The following KCNN3 variants were observed in gnomAD, a reference collection of about 807,000 sequenced individuals.
The protein encoded by KCNN3 is potassium calcium-activated channel subfamily N member 3.
In KCNN3, 16 loss-of-function variants were observed where a neutral mutation model predicts 62.9. That is an observed-to-expected ratio of 0.25 (90% CI 0.17 to 0.39). The LOEUF (loss-of-function observed/expected upper bound fraction) is 0.39, where lower values mean the gene tolerates loss of function less well. KCNN3 is among the 10% of genes least tolerant of loss of function. The pLI, the probability that KCNN3 is intolerant of heterozygous loss-of-function variation, is 1.00. For synonymous variants in KCNN3, 370 were observed against 389.2 expected (o/e 0.95, Z 0.58); for missense variants, 599 against 949.4 (o/e 0.63, Z 4.85).
chr1:154,758,898 C>T (rs562140176), intron 3 of KCNN3, among the ~76,000 whole-genome samples: 1 of 151,258 alleles, frequency 6.6e-6, no homozygotes, highest in South Asian at 2.1e-4. Context: ...TCCTCCACCT[C>T]CTGAGTTCAA....
intron 2 of KCNN3, among the ~76,000 whole-genome samples, chr1:154,792,829 C>T (rs542530998): frequency 1.3e-5 from 2 of 152,308 alleles, no homozygotes; most frequent in Admixed American, 6.5e-5. Flanking sequence ...ATTGAGCTGC[C>T]TTCCCTTGCC....
chr1:154,837,268 G>GC (rs1246814095), intron 1 of KCNN3, among the ~76,000 whole-genome samples: 5 of 151,966 alleles, frequency 3.3e-5, no homozygotes, highest in African/African-American at 1.2e-4. Flanking sequence ...TGCCCGGCTA[G>GC]TTTTTTGTTT....
chr1:154,716,616 GTCT>G (rs1490551515), intron 5 of KCNN3, among the ~76,000 whole-genome samples: 5 of 152,222 alleles, frequency 3.3e-5, no homozygotes, highest in African/African-American at 1.2e-4. Context: ...GAACAGCTAA[GTCT>G]TCTCAGAAAT....
At chr1:154,714,600 T>G (rs1380848387) in intron 6 of KCNN3, among the ~76,000 whole-genome samples, 1 of 26,234 alleles carries the variant, frequency 3.8e-5, no homozygotes, top group Non-Finnish European at 8.9e-5. Flanking sequence ...GTGTGTGTGA[T>G]GTGTGGTGTG....
At chr1:154,813,598 G>A (rs1650528346) in intron 2 of KCNN3, among the ~76,000 whole-genome samples, 1 of 152,164 alleles carries the variant, frequency 6.6e-6, no homozygotes, top group African/African-American at 2.4e-5. Context: ...AGCTAAGGAA[G>A]CTCCTGGAGG....
intron 7 of KCNN3, among the ~76,000 whole-genome samples, chr1:154,711,336 A>G (rs1181381727): frequency 9.2e-6 from 1 of 108,514 alleles, no homozygotes. Flanking sequence ...CACTCCAGGG[A>G]CTGTTGTGGG....
chr1:154,791,375 C>A (rs1649512398), intron 2 of KCNN3, among the ~76,000 whole-genome samples: 1 of 149,300 alleles, frequency 6.7e-6, no homozygotes, highest in African/African-American at 2.5e-5. Flanking sequence ...GCGGCTGGTG[C>A]TGGGGAGGAG....
chr1:154,843,291 G>A (rs907348043), intron 1 of KCNN3, among the ~76,000 whole-genome samples: 3 of 151,964 alleles, frequency 2.0e-5, no homozygotes, highest in Non-Finnish European at 4.4e-5. Flanking sequence ...AGAACAAGAA[G>A]CTGCCCCATC....
chr1:154,715,064 G>A, intron 5 of KCNN3, 61 bp from the exon 6 acceptor site: 1 of 1,593,818 alleles, frequency 6.3e-7, no homozygotes, highest in Non-Finnish European at 8.6e-7. Context: ...TCATTTTTGT[G>A]GTTGCTACTG....
At chr1:154,820,723 C>A (rs901191725) in intron 2 of KCNN3, among the ~76,000 whole-genome samples, 2 of 152,230 alleles carry the variant, frequency 1.3e-5, no homozygotes, top group African/African-American at 4.8e-5. Flanking sequence ...AGGAAGCTGC[C>A]TGGTGGCATC....
rs925004289 is a variant in KCNN3 at position 154,862,320 on chromosome 1, C to G, written c.933+6712G>C. On this transcript the variant is annotated intron_variant, in intron 1 of 7. Coordinates refer to ENST00000271915, the MANE Select transcript of KCNN3 (RefSeq NM_002249.6). This position sits in a 1 kb window ranked among gnomAD's most constrained non-coding sequence, Gnocchi z 4.1. ...CAGCCACCGTGAGGGTCATGAGGGACCCAGGGGTGAAAATGCCTTGTAAGA... is the reference window on the plus strand; with the variant it reads ...CAGCCACCGTGAGGGTCATGAGGGAGCCAGGGGTGAAAATGCCTTGTAAGA... 2.0e-5 allele frequency among the ~76,000 whole-genome samples: 3 copies of G among 152,080 alleles called. No homozygotes were observed. The highest frequency in any genetic ancestry group is 4.4e-5 in the Non-Finnish European group (3 of 68,008).
chr1:154,750,801 G>A (rs1272495791), intron 3 of KCNN3, among the ~76,000 whole-genome samples: 1 of 152,090 alleles, frequency 6.6e-6, no homozygotes, highest in East Asian at 1.9e-4. Flanking sequence ...GCTGTGCTCG[G>A]GGTCTCTGCA....
intron 2 of KCNN3, among the ~76,000 whole-genome samples, chr1:154,783,806 T>C (rs1474610976): frequency 6.6e-6 from 1 of 152,182 alleles, no homozygotes; most frequent in African/African-American, 2.4e-5. Context: ...GTGCTGAGAC[T>C]GTAAGATCAG....
At chr1:154,836,774 C>T (rs1651607573) in intron 1 of KCNN3, among the ~76,000 whole-genome samples, 2 of 152,200 alleles carry the variant, frequency 1.3e-5, no homozygotes, top group South Asian at 2.1e-4. Flanking sequence ...GCCCGAGAGC[C>T]GCCGCCCCTG....
intron 2 of KCNN3, among the ~76,000 whole-genome samples, chr1:154,777,381 G>A (rs1419255038): frequency 6.6e-5 from 10 of 152,072 alleles, no homozygotes; most frequent in Non-Finnish European, 8.8e-5. Context: ...GTGTGTAGGC[G>A]GATGACTGTG....
chr1:154,786,128 G>A (rs1649271989), intron 2 of KCNN3, among the ~76,000 whole-genome samples: 1 of 152,178 alleles, frequency 6.6e-6, no homozygotes. Context: ...TAAAGCAGGG[G>A]TCCTTGAGGA....
At chr1:154,789,674 G>A (rs780015311) in intron 2 of KCNN3, among the ~76,000 whole-genome samples, 3 of 152,102 alleles carry the variant, frequency 2.0e-5, no homozygotes, top group Admixed American at 6.5e-5. Context: ...TCGGAGAGGC[G>A]GCACTCAGGA....
chr1:154,857,846 G>A (rs1018590114), intron 1 of KCNN3, among the ~76,000 whole-genome samples: 7 of 152,108 alleles, frequency 4.6e-5, no homozygotes, highest in Non-Finnish European at 7.3e-5. Context: ...CTTCTCCACC[G>A]CCTGTCACCT....
intron 1 of KCNN3, among the ~76,000 whole-genome samples, chr1:154,826,078 AAC>A (rs373269918): frequency 0.38 from 29,071 of 76,214 alleles, 4,582 homozygotes; most frequent in East Asian, 0.54. Flanking sequence ...CAAAAACAAA[AAC>A]AAAAACAAAA....
Sources: allele counts gnomAD v4.1 joint callset (sites outside exome capture counted in the v4.1 genomes callset), GRCh38; gene constraint gnomAD v4.1.1; non-coding constraint Gnocchi (gnomAD v3.1); transcripts MANE v1.5; gene names NCBI Gene and HGNC (gene_info 2026-07-23, HGNC 2026-07-21).